The following ANKRD31 variants were observed in gnomAD, a reference collection of about 807,000 sequenced individuals.
ANKRD31 encodes the protein ankyrin repeat domain 31.
ANKRD31 carries 147 observed loss-of-function variants against 186.0 expected under a neutral mutation model. That is an observed-to-expected ratio of 0.79 (90% CI 0.69 to 0.91). The LOEUF (loss-of-function observed/expected upper bound fraction) is 0.91, where lower values mean the gene tolerates loss of function less well. ANKRD31 is among the 40% of genes least tolerant of loss of function. The probability of loss-of-function intolerance (pLI) is 0.00; values close to 1 mark genes in which losing one functional copy is unlikely to be tolerated. For synonymous variants in ANKRD31, 673 were observed against 736.4 expected, an observed-to-expected ratio of 0.91 and a Z score of 1.39; for missense variants, 1,986 against 2,148.8, an observed-to-expected ratio of 0.92 and a Z score of 1.50.
chr5:75,202,240 T>C (rs1235141051), intron 5 of ANKRD31, among the ~76,000 whole-genome samples: 2 of 152,240 alleles, frequency 1.3e-5, no homozygotes, highest in Non-Finnish European at 2.9e-5. Flanking sequence ...AGAGTTGGAC[T>C]CTTCTCGTTG....
intron 19 of ANKRD31, among the ~76,000 whole-genome samples, chr5:75,113,024 T>C (rs1747909689): frequency 6.6e-6 from 1 of 152,172 alleles, no homozygotes; most frequent in Non-Finnish European, 1.5e-5. Context: ...CAAAACACTA[T>C]GCTCTCAAAA....
intron 10 of ANKRD31, among the ~76,000 whole-genome samples, chr5:75,177,104 G>A (rs560920460): frequency 7.9e-5 from 12 of 152,270 alleles, no homozygotes; most frequent in Non-Finnish European, 1.6e-4. Flanking sequence ...CTCAGTAATC[G>A]ATGCGATCAG....
At chr5:75,102,554 C>A (rs529293420) in intron 22 of ANKRD31, among the ~76,000 whole-genome samples, 1 of 152,242 alleles carries the variant, frequency 6.6e-6, no homozygotes, top group Non-Finnish European at 1.5e-5. Context: ...GGCATGAAGG[C>A]CTCCTTGAGC....
At chr5:75,120,760 C>T (rs771532360) in intron 17 of ANKRD31, among the ~76,000 whole-genome samples, 1 of 152,064 alleles carries the variant, frequency 6.6e-6, no homozygotes, top group Non-Finnish European at 1.5e-5. Flanking sequence ...GAAAACCTCA[C>T]GTATCAATAT....
intron 11 of ANKRD31, among the ~76,000 whole-genome samples, chr5:75,167,958 A>G (rs1753039915): frequency 2.0e-5 from 3 of 152,138 alleles, no homozygotes; most frequent in Admixed American, 2.0e-4. Context: ...AAGGATTCAC[A>G]CTGTCACATG....
At chr5:75,231,248 A>AT (rs534940246) in intron 1 of ANKRD31, among the ~76,000 whole-genome samples, 4,146 of 144,326 alleles carry the variant, frequency 0.029, 150 homozygotes, top group African/African-American at 0.092. Context: ...TTTTTAATTA[A>AT]TTTTTTTTTT....
At chr5:75,173,520 C>A (rs1753524104) in intron 10 of ANKRD31, among the ~76,000 whole-genome samples, 1 of 152,164 alleles carries the variant, frequency 6.6e-6, no homozygotes, top group Non-Finnish European at 1.5e-5. Context: ...AGCTGATAAG[C>A]AACTTCAGCA....
rs1752959012 is a variant in ANKRD31, at chr5:75,166,848, A to T, written c.1707+2131T>A. ...TTTTGCACATTTTCTAAGGAACAAC[A>T]TTGAGCTGATCATTTGTAATTCTCA... On this transcript the variant is annotated intron_variant, in intron 11 of 25. Transcript: ENST00000506364. Among the ~76,000 whole-genome samples the T allele has an allele frequency of 2.0e-5, 3 of 152,320 alleles. 1 individual carries two copies. In the South Asian group the frequency reaches 6.2e-4, roughly 32 times the overall value.
chr5:75,114,292 G>C (rs903528627), intron 19 of ANKRD31, among the ~76,000 whole-genome samples: 1 of 152,112 alleles, frequency 6.6e-6, no homozygotes, highest in African/African-American at 2.4e-5. Flanking sequence ...GACACTTATG[G>C]AAGTGAGTGA....
In ANKRD31 at chr5:75,150,193, T is replaced by A. The variant is rs370010023; in HGVS notation, c.1853-1565A>T. Among the ~76,000 whole-genome samples, 23 of 151,994 alleles carry A rather than the reference T, an allele frequency of 1.5e-4. No individual in the cohort carries two copies. In the East Asian group the frequency reaches 2.7e-3, roughly 18 times the overall value. On this transcript the variant is annotated intron_variant, in intron 12 of 25. Coordinates refer to ENST00000506364, the MANE Select transcript of ANKRD31 (RefSeq NM_001372053.1). ...AGTTTACAGATAAGAAAATTAGGAA[T>A]GTTAATTTACCCTATAAGCTTTATA...
At chr5:75,189,372 G>C (rs1167414291) in intron 9 of ANKRD31, among the ~76,000 whole-genome samples, 2 of 152,168 alleles carry the variant, frequency 1.3e-5, no homozygotes, top group Non-Finnish European at 2.9e-5. Context: ...CTGAATTTCA[G>C]AGTAGCTTGA....
At chr5:75,076,591 A>G in intron 25 of ANKRD31, among the ~76,000 whole-genome samples, 1 of 152,230 alleles carries the variant, frequency 6.6e-6, no homozygotes, top group East Asian at 1.9e-4. Flanking sequence ...TTAAGTAGGC[A>G]TGATTGATTA....
chr5:75,199,584 A>C, intron 6 of ANKRD31, 47 bp downstream of exon 6: 1 of 1,433,156 alleles, frequency 7.0e-7, no homozygotes, highest in Non-Finnish European at 9.3e-7. Context: ...TTTTTAAAAA[A>C]TCTAAACTCA....
chr5:75,126,889 T>C (rs1749299034), intron 17 of ANKRD31, among the ~76,000 whole-genome samples: 1 of 151,984 alleles, frequency 6.6e-6, no homozygotes, highest in Admixed American at 6.6e-5. Flanking sequence ...GCTGAAAGAG[T>C]ATACTTTCTC....
intron 24 of ANKRD31, among the ~76,000 whole-genome samples, 169 bp from the exon 25 acceptor site, chr5:75,080,808 A>G (rs990225023): frequency 6.6e-6 from 1 of 152,216 alleles, no homozygotes; most frequent in African/African-American, 2.4e-5. Flanking sequence ...GGCTCTTCCT[A>G]CTTCCCCTTA....
intron 3 of ANKRD31, among the ~76,000 whole-genome samples, chr5:75,220,469 G>A (rs892968999): frequency 6.6e-6 from 1 of 151,950 alleles, no homozygotes; most frequent in African/African-American, 2.4e-5. Context: ...GAGAAGCCCT[G>A]TCTCTACTAA....
chr5:75,181,448 C>T (rs963948740), intron 10 of ANKRD31, among the ~76,000 whole-genome samples: 13 of 151,948 alleles, frequency 8.6e-5, no homozygotes, highest in East Asian at 5.8e-4. Flanking sequence ...ACGTTTATTG[C>T]GGCACTATTC....
chr5:75,155,069 G>A (rs1752076642), intron 11 of ANKRD31, among the ~76,000 whole-genome samples: 1 of 151,736 alleles, frequency 6.6e-6, no homozygotes, highest in Non-Finnish European at 1.5e-5. Context: ...CTTGAGGGTG[G>A]GACTATCTTT....
At chr5:75,209,944 C>T (rs1336403401) in intron 4 of ANKRD31, among the ~76,000 whole-genome samples, 1 of 152,168 alleles carries the variant, frequency 6.6e-6, no homozygotes, top group African/African-American at 2.4e-5. Flanking sequence ...AAGACTCCAG[C>T]ATTTTACCCA....
Sources: allele counts gnomAD v4.1 joint callset (sites outside exome capture counted in the v4.1 genomes callset), GRCh38; gene constraint gnomAD v4.1.1; transcripts MANE v1.5; gene names NCBI Gene and HGNC (gene_info 2026-07-23, HGNC 2026-07-21).